Variants in SPTBN1 observed in about 807,000 individuals in gnomAD.
The protein encoded by SPTBN1 is spectrin beta, non-erythrocytic 1.
In SPTBN1, 32 loss-of-function variants were observed where a neutral mutation model predicts 266.4. The ratio of observed to expected loss-of-function variants is 0.12; its 90% CI spans 0.09 to 0.16. SPTBN1 has a LOEUF of 0.16. Ranked by LOEUF, SPTBN1 falls within the 10% of genes least tolerant of loss-of-function variation. SPTBN1 has a pLI of 1.00. For missense variants in SPTBN1, 2,296 were observed against 3,067.1 expected (o/e 0.75, Z 5.94); for synonymous variants, 1,336 against 1,162.2 (o/e 1.15, Z -3.04).
At position 54,670,465 on chromosome 2, in the gene SPTBN1, ACT is replaced by A. The variant is rs757568555; in HGVS notation, c.*1901_*1902del. ...TGCGTGGCATCAAAGCTTTCTCTTA[ACT>A]CTCTTACCTCTAGGCAAACTGAGAC... On this transcript the variant is annotated 3_prime_UTR_variant, in exon 36 of 36. Coordinates refer to ENST00000356805, the MANE Select transcript of SPTBN1 (RefSeq NM_003128.3). 63 of 381,878 alleles carry A rather than the reference ACT, an allele frequency of 1.6e-4. No individual in the cohort carries two copies. Among genetic ancestry groups the A allele is most frequent in the Non-Finnish European group, 2.5e-4 (53 of 216,180 alleles). The allele number at this position is 381,878 out of a possible 1,614,324, so 23.7% of individuals were successfully genotyped here. A position where few individuals can be genotyped will look rare whatever the true frequency, so the allele number is the denominator to read the frequency against.
At chr2:54,466,872 A>G (rs1191794263) in intron 1 of SPTBN1, among the ~76,000 whole-genome samples, 1 of 152,256 alleles carries the variant, frequency 6.6e-6, no homozygotes, top group African/African-American at 2.4e-5. Context: ...GAAAAGCAGT[A>G]TTAATAATGA....
At chr2:54,613,609 C>A (rs1476027622) in intron 4 of SPTBN1, among the ~76,000 whole-genome samples, 2 of 152,208 alleles carry the variant, frequency 1.3e-5, no homozygotes, top group Non-Finnish European at 2.9e-5. Context: ...TCCCAGGGCC[C>A]AGCCCTAGTA....
chr2:54,609,003 C>T (rs932495402), intron 3 of SPTBN1, among the ~76,000 whole-genome samples: 1 of 152,052 alleles, frequency 6.6e-6, no homozygotes, highest in African/African-American at 2.4e-5. Flanking sequence ...CTTGTCTTCA[C>T]GTTGAGTAGG....
At chr2:54,650,907 C>T (rs943535044) in intron 26 of SPTBN1, among the ~76,000 whole-genome samples, 4 of 152,142 alleles carry the variant, frequency 2.6e-5, no homozygotes, top group Non-Finnish European at 4.4e-5. Flanking sequence ...CTTTGGTATA[C>T]TTTGGGATTT....
chr2:54,664,598 C>T lies in SPTBN1; in HGVS notation c.6566C>T (p.Pro2189Leu). The change falls in exon 33 of 36, where the codon CCA (proline) becomes CTA (leucine). Residue 2189 changes from proline (P) to leucine (L), a missense_variant. By Grantham distance (98) the Pro-to-Leu change is moderately conservative. Coordinates refer to ENST00000356805, the MANE Select transcript of SPTBN1 (RefSeq NM_003128.3). The surrounding 1 kb of genome is among the most constrained non-coding windows in gnomAD (Gnocchi z 5.6). ...ALPAQSAATLPARTQETPSAQ... is the reference protein window; with the variant it reads ...ALPAQSAATLLARTQETPSAQ... The stretch of plus-strand genomic sequence containing the variant: ...CCAGCCCAGAGTGCCGCCACCTTAC[C>T]AGCCAGAACCCAGGAGACACCTTCG... 6.2e-7 allele frequency: 1 copy of T among 1,614,170 alleles called. No homozygotes were observed. Among genetic ancestry groups the T allele is most frequent in the Non-Finnish European group, 8.5e-7 (1 of 1,180,034 alleles).
chr2:54,532,658 A>C (rs1399784902), intron 2 of SPTBN1, among the ~76,000 whole-genome samples: 1 of 152,212 alleles, frequency 6.6e-6, no homozygotes, highest in Non-Finnish European at 1.5e-5. Context: ...GATTGCTTGC[A>C]TCCCGTGATT....
At chr2:54,648,694 C>T (rs1324248036) in intron 24 of SPTBN1, among the ~76,000 whole-genome samples, 1 of 152,154 alleles carries the variant, frequency 6.6e-6, no homozygotes, top group Non-Finnish European at 1.5e-5. Flanking sequence ...AATTCTCCTG[C>T]CCCCACTATT....
At chr2:54,625,845 C>T in intron 11 of SPTBN1, 87 bp from the exon 12 acceptor site, 3 of 1,437,712 alleles carry the variant, frequency 2.1e-6, no homozygotes, top group Non-Finnish European at 2.8e-6. Flanking sequence ...CCCGCCTCGG[C>T]CTCCCAAAGT....
intron 17 of SPTBN1, 114 bp from the exon 18 acceptor site, chr2:54,637,598 CA>C (rs1265006902): frequency 3.7e-6 from 3 of 812,556 alleles, no homozygotes; most frequent in East Asian, 5.5e-5. Context: ...TTGAGAACTG[CA>C]AGCAAACTCT....
Position 54,668,616 on chromosome 2 carries a change from T to G in SPTBN1, c.*47T>G. 6.5e-7 allele frequency: 1 copy of G among 1,540,376 alleles called. No homozygotes were observed. The highest frequency in any genetic ancestry group is 1.2e-5 in the South Asian group (1 of 84,746). ...CCCTTCTCTTACCTTTTCAGTGAAA[T>G]TCCAGCATGCAAGCTCAGAACCAAC... is the stretch of plus-strand genomic sequence containing the variant. On this transcript the variant is annotated 3_prime_UTR_variant, in exon 36 of 36. Transcript: ENST00000356805.
intron 1 of SPTBN1, among the ~76,000 whole-genome samples, chr2:54,482,882 T>A (rs1668170796): frequency 6.6e-6 from 1 of 152,208 alleles, no homozygotes. Context: ...CATACTTTTT[T>A]AAGCAGCCTT....
chr2:54,607,456 C>G (rs1196066607), intron 3 of SPTBN1, among the ~76,000 whole-genome samples: 1 of 152,112 alleles, frequency 6.6e-6, no homozygotes, highest in Non-Finnish European at 1.5e-5. Context: ...AACGCCATCT[C>G]TACTAAAAAT....
In SPTBN1 at chr2:54,647,268, G is replaced by A. The variant is rs892564787; in HGVS notation, c.4997+7G>A. The stretch of plus-strand genomic sequence containing the variant: ...CCGACAGCCATCCTGAAAGGTGAGC[G>A]CTGCTTCATGAGTGTGAGACCCGGC... On this transcript the variant is annotated splice_region_variant and intron_variant, in intron 24 of 35. Coordinates refer to ENST00000356805, the MANE Select transcript of SPTBN1 (RefSeq NM_003128.3). 4.3e-6 allele frequency: 7 copies of A among 1,613,320 alleles called. No homozygotes were observed. Among genetic ancestry groups the A allele is most frequent in the Non-Finnish European group, 5.9e-6 (7 of 1,179,964 alleles).
Position 54,558,560 on chromosome 2 carries a change from G to C in SPTBN1, c.148+31994G>C. On this transcript the variant is annotated intron_variant, in intron 2 of 35. Transcript: ENST00000356805. The surrounding 1 kb of genome is among the most constrained non-coding windows in gnomAD (Gnocchi z 4.6). ...GGCAAGGGCCACGGAAGAAGGGAAAGCAAGAAATTAGATGCCTGTGTGGTA... is the reference window on the plus strand; with the variant it reads ...GGCAAGGGCCACGGAAGAAGGGAAACCAAGAAATTAGATGCCTGTGTGGTA... The C allele has an allele frequency of 7.6e-7, 1 of 1,323,218 alleles. No homozygotes were observed. The highest frequency in any genetic ancestry group is 9.7e-7 in the Non-Finnish European group (1 of 1,034,104). 82.0% of individuals were successfully genotyped at this position (1,323,218 alleles called of 1,614,324 possible). A position where few individuals can be genotyped will look rare whatever the true frequency, so the allele number is the denominator to read the frequency against.
intron 1 of SPTBN1, among the ~76,000 whole-genome samples, chr2:54,466,965 A>G (rs1172380242): frequency 3.9e-5 from 6 of 152,018 alleles, no homozygotes; most frequent in Admixed American, 3.9e-4. Flanking sequence ...TTGGCAGTTC[A>G]TTACTTATGC....
At chr2:54,519,747 G>A (rs1461142960) in intron 1 of SPTBN1, among the ~76,000 whole-genome samples, 8 of 152,182 alleles carry the variant, frequency 5.3e-5, no homozygotes, top group Non-Finnish European at 8.8e-5. Context: ...TGGTAGCATT[G>A]TAGGGGAATG....
intron 1 of SPTBN1, among the ~76,000 whole-genome samples, chr2:54,501,480 G>T (rs142066687): frequency 4.6e-5 from 7 of 152,222 alleles, no homozygotes; most frequent in African/African-American, 1.7e-4. Flanking sequence ...TAGGTACAGT[G>T]TTAGGGATAA....
chr2:54,638,631 G>C (rs1679316918), intron 18 of SPTBN1, among the ~76,000 whole-genome samples: 1 of 152,348 alleles, frequency 6.6e-6, no homozygotes, highest in African/African-American at 2.4e-5. Context: ...GTATCTAGCT[G>C]ATTTCACGTG....
chr2:54,658,022 C>T lies in SPTBN1; in HGVS notation c.6219C>T (p.Phe2073=), dbSNP rs190911566. ...EKSAATWDER[F]SALERLTTLE... is the part of the protein sequence containing the mutation. Reference sequence around the variant, plus strand: ...CTGCAGCAACCTGGGATGAGAGGTTCTCTGCCCTGGAAAGGCTGACTACAG... The same window carrying T: ...CTGCAGCAACCTGGGATGAGAGGTTTTCTGCCCTGGAAAGGCTGACTACAG... The change falls in exon 30 of 36, where the codon TTC becomes TTT. Residue 2073 remains phenylalanine, a synonymous_variant. Coordinates refer to ENST00000356805, the MANE Select transcript of SPTBN1 (RefSeq NM_003128.3). The T allele has an allele frequency of 7.8e-5, 126 of 1,614,262 alleles. 1 individual carries two copies. In the Admixed American group the frequency reaches 8.3e-4, roughly 11 times the overall value.
Sources: gnomAD v4.1 joint callset for allele counts (sites outside exome capture counted in the v4.1 genomes callset) on GRCh38, gnomAD v4.1.1 for gene constraint, Gnocchi (gnomAD v3.1) non-coding constraint, MANE v1.5 for transcripts, NCBI Gene and HGNC (gene_info 2026-07-23, HGNC 2026-07-21) for gene names.